WDR70: variants seen among roughly 807,000 people sequenced by gnomAD.
WDR70 encodes WD repeat domain 70, also known as WD repeat-containing protein 70.
WDR70 carries 53 observed loss-of-function variants against 88.6 expected under a neutral mutation model. That is an observed-to-expected ratio of 0.60 (90% CI 0.48 to 0.75). The LOEUF (loss-of-function observed/expected upper bound fraction) is 0.75, where lower values mean the gene tolerates loss of function less well. Ranked by LOEUF, WDR70 falls within the 30% of genes least tolerant of loss-of-function variation. The probability of loss-of-function intolerance (pLI) is 0.00; values close to 1 mark genes in which losing one functional copy is unlikely to be tolerated. For missense variants in WDR70, 610 were observed against 823.2 expected (o/e 0.74, Z 3.17); for synonymous variants, 280 against 270.0 (o/e 1.04, Z -0.36).
At chr5:37,682,620 A>G (rs1746472253) in intron 10 of WDR70, among the ~76,000 whole-genome samples, 1 of 152,104 alleles carries the variant, frequency 6.6e-6, no homozygotes, top group Admixed American at 6.6e-5. Flanking sequence ...AGATTCTGGT[A>G]TGTTGTATCT....
At chr5:37,604,973 G>A (rs556334246) in intron 9 of WDR70, 91 bp from the exon 10 acceptor site, 26 of 1,139,902 alleles carry the variant, frequency 2.3e-5, no homozygotes, top group African/African-American at 2.1e-4. Flanking sequence ...CCAAAATGGC[G>A]AAGCAGTCTT....
chr5:37,750,328 A>G (rs1748769109), intron 17 of WDR70, among the ~76,000 whole-genome samples: 1 of 152,140 alleles, frequency 6.6e-6, no homozygotes, highest in African/African-American at 2.4e-5. Context: ...GAGGCCAGGC[A>G]CTTGAGACCA....
intron 9 of WDR70, among the ~76,000 whole-genome samples, chr5:37,535,159 G>A (rs566353592): frequency 3.9e-5 from 6 of 151,960 alleles, no homozygotes; most frequent in South Asian, 2.1e-4. Context: ...AAAGCAAAAC[G>A]ATAAAGAGTA....
rs1314438888 is a variant in WDR70 at position 37,416,112 on chromosome 5, G to A, written c.492+19542G>A. 2.8e-4 allele frequency among the ~76,000 whole-genome samples: 42 copies of A among 151,990 alleles called. 1 individual carries two copies. Among genetic ancestry groups the A allele is most frequent in the Non-Finnish European group, 1.5e-5 (1 of 67,974 alleles). ...CTCCTCACTTCCCAGACGGGGTGGC[G>A]GCCGGGCAGAGGCTGCAATCTTGGC... On this transcript the variant is annotated intron_variant, in intron 5 of 17. Transcript: ENST00000265107.
chr5:37,599,437 A>G (rs889043069), intron 9 of WDR70, among the ~76,000 whole-genome samples: 2 of 152,254 alleles, frequency 1.3e-5, no homozygotes, highest in Admixed American at 6.5e-5. Flanking sequence ...AAAAGGTCTT[A>G]TGATATCTAG....
intron 9 of WDR70, among the ~76,000 whole-genome samples, chr5:37,579,525 A>G (rs777602322): frequency 1.5e-4 from 22 of 146,934 alleles, no homozygotes; most frequent in Non-Finnish European, 3.1e-4. Flanking sequence ...CGGAGGTTGC[A>G]GTGAGCCGAG....
intron 13 of WDR70, among the ~76,000 whole-genome samples, chr5:37,704,196 G>C (rs1310621618): frequency 1.3e-5 from 2 of 152,190 alleles, no homozygotes; most frequent in African/African-American, 4.8e-5. Context: ...AGCACTCACA[G>C]TGCTTTTTCT....
chr5:37,698,465 G>T (rs1344987790), intron 11 of WDR70, among the ~76,000 whole-genome samples: 1 of 146,950 alleles, frequency 6.8e-6, no homozygotes, highest in African/African-American at 2.4e-5. Flanking sequence ...GTTACAGAGG[G>T]TCTTAAATAT....
At chr5:37,430,663 C>T (rs1581272249) in intron 5 of WDR70, among the ~76,000 whole-genome samples, 2 of 152,062 alleles carry the variant, frequency 1.3e-5, no homozygotes, top group Admixed American at 6.6e-5. Flanking sequence ...TGGGTTTAAG[C>T]GATTCTCCCA....
At chr5:37,566,514 A>G (rs2112393860) in intron 9 of WDR70, among the ~76,000 whole-genome samples, 1 of 152,264 alleles carries the variant, frequency 6.6e-6, no homozygotes, top group African/African-American at 2.4e-5. Flanking sequence ...CCTTCATGGT[A>G]CAAACAACTA....
chr5:37,517,944 C>G (rs1432917831), intron 9 of WDR70, among the ~76,000 whole-genome samples: 1 of 146,978 alleles, frequency 6.8e-6, no homozygotes, highest in Non-Finnish European at 1.5e-5. Context: ...GATGGAGTTC[C>G]ACTCTTGTCA....
chr5:37,589,792 G>A (rs986988650), intron 9 of WDR70, among the ~76,000 whole-genome samples: 5 of 152,104 alleles, frequency 3.3e-5, no homozygotes, highest in African/African-American at 1.2e-4. Flanking sequence ...TATAGAGACA[G>A]GGTTTCGCCA....
intron 6 of WDR70, among the ~76,000 whole-genome samples, chr5:37,442,361 C>CA (rs1271732116): frequency 2.1e-4 from 28 of 132,374 alleles, no homozygotes; most frequent in South Asian, 1.9e-3. Context: ...TTTTTTAAGA[C>CA]AGAGTCTCGC....
intron 11 of WDR70, among the ~76,000 whole-genome samples, chr5:37,698,068 T>C (rs1437769447): frequency 6.6e-6 from 1 of 152,194 alleles, no homozygotes; most frequent in Non-Finnish European, 1.5e-5. Context: ...GATGATCACC[T>C]ATATTCTTTC....
chr5:37,702,347 G>C (rs1295564851), intron 12 of WDR70, among the ~76,000 whole-genome samples: 2 of 152,066 alleles, frequency 1.3e-5, no homozygotes, highest in African/African-American at 4.8e-5. Flanking sequence ...TAACTTCTTT[G>C]GGTCATGTCT....
intron 9 of WDR70, among the ~76,000 whole-genome samples, chr5:37,534,003 A>G (rs949050275): frequency 2.0e-5 from 3 of 152,196 alleles, no homozygotes; most frequent in African/African-American, 7.2e-5. Flanking sequence ...GTGGTGATCC[A>G]GTTACCTCAA....
intron 13 of WDR70, among the ~76,000 whole-genome samples, chr5:37,711,987 C>CTTTTTTTTTTTTTTTT (rs70978842): frequency 3.8e-5 from 4 of 104,020 alleles, no homozygotes; most frequent in Admixed American, 1.1e-4. Flanking sequence ...TATATTTTTT[C>CTTTTTTTTTTTTTTTT]TTTTTTTTTT....
At chr5:37,613,933 A>G (rs1744258300) in intron 10 of WDR70, among the ~76,000 whole-genome samples, 9 of 152,336 alleles carry the variant, frequency 5.9e-5, no homozygotes, top group Admixed American at 5.9e-4. Flanking sequence ...GAGTCAGGAA[A>G]ACTATGGCCA....
At chr5:37,497,558 A>G (rs901737394) in intron 8 of WDR70, among the ~76,000 whole-genome samples, 4 of 149,286 alleles carry the variant, frequency 2.7e-5, no homozygotes, top group Admixed American at 1.3e-4. Context: ...TCCACATGCA[A>G]TCTGGCCTTC....
Sources: allele counts gnomAD v4.1 joint callset (sites outside exome capture counted in the v4.1 genomes callset), GRCh38; gene constraint gnomAD v4.1.1; transcripts MANE v1.5; gene names NCBI Gene and HGNC (gene_info 2026-07-23, HGNC 2026-07-21).